The following OCRL variants were observed in gnomAD, a reference collection of about 807,000 sequenced individuals.
OCRL encodes inositol polyphosphate 5-phosphatase OCRL.
OCRL carries 8 observed loss-of-function variants against 78.9 expected under a neutral mutation model. The ratio of observed to expected loss-of-function variants is 0.10; its 90% CI spans 0.06 to 0.18. The LOEUF (loss-of-function observed/expected upper bound fraction) is 0.18, where lower values mean the gene tolerates loss of function less well. OCRL is among the 10% of genes least tolerant of loss of function. OCRL has a pLI of 1.00. For synonymous variants in OCRL, 240 were observed against 235.4 expected (o/e 1.02, Z -0.18); for missense variants, 454 against 696.7 (o/e 0.65, Z 3.92).
chrX:129,585,347 T>C (rs1001494732), intron 19 of OCRL, among the ~76,000 whole-genome samples: 1 of 112,567 alleles, frequency 8.9e-6, no homozygotes, highest in Non-Finnish European at 1.9e-5. Flanking sequence ...GTCCATGTTC[T>C]GTCTTTTTAT....
At chrX:129,551,520 C>T (rs1368409288) in intron 4 of OCRL, among the ~76,000 whole-genome samples, 2 of 111,663 alleles carry the variant, frequency 1.8e-5, no homozygotes, top group African/African-American at 3.3e-5. Context: ...CTGCAAGCTC[C>T]GCCTTCCAGG....
At chrX:129,547,540 A>G (rs978201208) in intron 3 of OCRL, among the ~76,000 whole-genome samples, 7 of 109,105 alleles carry the variant, frequency 6.4e-5, no homozygotes, top group Non-Finnish European at 9.5e-5. Flanking sequence ...AAAAAAAAAA[A>G]AAAGAAAAAG....
At chrX:129,548,459 G>A (rs1254482075) in intron 3 of OCRL, 104 bp from the exon 4 acceptor site, 16 of 630,030 alleles carry the variant, frequency 2.5e-5, no homozygotes, top group Non-Finnish European at 3.8e-5. Context: ...AGACCTAGGA[G>A]TAGTGACTGA....
At chrX:129,541,946 G>C (rs1935810042) in intron 2 of OCRL, among the ~76,000 whole-genome samples, 1 of 111,557 alleles carries the variant, frequency 9.0e-6, no homozygotes, top group Non-Finnish European at 1.9e-5. Flanking sequence ...CATCAAACCC[G>C]GATTTCATCA....
intron 20 of OCRL, 149 bp downstream of exon 20, chrX:129,587,267 T>C (rs1389232861): frequency 3.9e-6 from 2 of 507,664 alleles, no homozygotes; most frequent in East Asian, 6.9e-5. Context: ...GGTGGAAGTG[T>C]CCTAGTCACA....
intron 6 of OCRL, 36 bp downstream of exon 6, chrX:129,557,986 T>C: frequency 1.1e-6 from 1 of 886,229 alleles, no homozygotes; most frequent in Non-Finnish European, 1.7e-6. Flanking sequence ...GTTGCTATGG[T>C]CATTGCAGAG....
chrX:129,553,472 TAGAACACGATTATATGCTA>T (rs1259748204), intron 4 of OCRL, among the ~76,000 whole-genome samples: 1 of 111,869 alleles, frequency 8.9e-6, no homozygotes, highest in Non-Finnish European at 1.9e-5. Context: ...GAGAAGGACT[TAGAACACGATTATATGCTA>T]ATGTGGAGGA....
intron 18 of OCRL, 141 bp downstream of exon 18, chrX:129,576,693 C>T (rs1320458164): frequency 7.7e-6 from 4 of 521,429 alleles, no homozygotes; most frequent in African/African-American, 2.3e-5. Context: ...TACTTTAGCA[C>T]TGTTTTGATT....
At chrX:129,542,358 A>G (rs1171683508) in intron 2 of OCRL, among the ~76,000 whole-genome samples, 1 of 110,804 alleles carries the variant, frequency 9.0e-6, no homozygotes, top group Non-Finnish European at 1.9e-5. Context: ...CTATATAACT[A>G]ACAACTAATA....
rs943359172 is a variant in OCRL at position 129,540,493 on chromosome X, G to C, written c.39+15G>C. The stretch of plus-strand genomic sequence containing the variant: ...AGCCGCTTGCCGTATCCGCCGGAGA[G>C]AAGGGAGAGGGGAGGCCGCGCAGGG... On this transcript the variant is annotated intron_variant, in intron 1 of 23. Transcript: ENST00000371113. 93 of 1,095,320 alleles carry C rather than the reference G, an allele frequency of 8.5e-5. No individual in the cohort carries two copies. Among genetic ancestry groups the C allele is most frequent in the Non-Finnish European group, 1.1e-4 (91 of 826,785 alleles). The allele number at this position is 1,095,320 out of a possible 1,213,427, so 90.3% of individuals were successfully genotyped here. A position where few individuals can be genotyped will look rare whatever the true frequency, so the allele number is the denominator to read the frequency against.
At chrX:129,584,888 T>C (rs1936489780) in intron 19 of OCRL, among the ~76,000 whole-genome samples, 1 of 111,987 alleles carries the variant, frequency 8.9e-6, no homozygotes, top group African/African-American at 3.3e-5. Flanking sequence ...TCAGACAGGG[T>C]ATTTTCTCCA....
intron 13 of OCRL, among the ~76,000 whole-genome samples, chrX:129,566,753 T>C (rs1418278292): frequency 8.9e-6 from 1 of 112,399 alleles, no homozygotes; most frequent in Non-Finnish European, 1.9e-5. Context: ...GACAAATTTC[T>C]TTGCTTTTTC....
chrX:129,556,967 G>T (rs1487871225), intron 4 of OCRL, among the ~76,000 whole-genome samples: 1 of 112,187 alleles, frequency 8.9e-6, no homozygotes, highest in Admixed American at 9.4e-5. Flanking sequence ...GGGAGGGAGG[G>T]TGATTGAGGA....
intron 2 of OCRL, among the ~76,000 whole-genome samples, chrX:129,542,806 G>A (rs1241587025): frequency 9.0e-6 from 1 of 111,465 alleles, no homozygotes; most frequent in Non-Finnish European, 1.9e-5. Context: ...TCATATTCTT[G>A]TCTCTCTGGT....
intron 2 of OCRL, among the ~76,000 whole-genome samples, 165 bp downstream of exon 2, chrX:129,540,988 A>C (rs987543939): frequency 8.1e-5 from 9 of 111,618 alleles, no homozygotes; most frequent in Non-Finnish European, 1.1e-4. Context: ...TTTGTCCCCA[A>C]CTTCCAAGCC....
chrX:129,557,804 TA>T, intron 5 of OCRL, 56 bp from the exon 6 acceptor site: 2 of 825,183 alleles, frequency 2.4e-6, no homozygotes, highest in Non-Finnish European at 1.8e-6. Context: ...TTGGCTATAG[TA>T]AATTCTACTC....
At chrX:129,562,542 AT>A in intron 11 of OCRL, 42 bp downstream of exon 11, 1 of 1,190,286 alleles carries the variant, frequency 8.4e-7, no homozygotes, top group Non-Finnish European at 1.1e-6. Flanking sequence ...ATTCATGTTC[AT>A]GTAAAGTTCA....
intron 14 of OCRL, among the ~76,000 whole-genome samples, chrX:129,568,987 C>T (rs1029348048): frequency 1.8e-5 from 2 of 112,624 alleles, no homozygotes; most frequent in African/African-American, 6.5e-5. Context: ...CCAATCTTAA[C>T]AGAACCATTC....
At chrX:129,547,543 A>AAG (rs58739241) in intron 3 of OCRL, among the ~76,000 whole-genome samples, 2 of 108,623 alleles carry the variant, frequency 1.8e-5, no homozygotes, top group Non-Finnish European at 3.8e-5. Context: ...AAAAAAAAAA[A>AAG]GAAAAAGAAA....
Sources: gnomAD v4.1 joint callset for allele counts (sites outside exome capture counted in the v4.1 genomes callset) on GRCh38, gnomAD v4.1.1 for gene constraint, MANE v1.5 for transcripts, NCBI Gene and HGNC (gene_info 2026-07-23, HGNC 2026-07-21) for gene names.